The following FOXN3 variants were observed in gnomAD, a reference collection of about 807,000 sequenced individuals.
FOXN3 encodes the protein forkhead box N3, also known as forkhead box protein N3.
FOXN3 carries 7 observed loss-of-function variants against 38.4 expected under a neutral mutation model. That is an observed-to-expected ratio of 0.18 (90% CI 0.10 to 0.34). The LOEUF (loss-of-function observed/expected upper bound fraction) is 0.34. FOXN3 is among the 10% of genes least tolerant of loss of function. The pLI, the probability that FOXN3 is intolerant of heterozygous loss-of-function variation, is 1.00. For missense variants in FOXN3, 456 were observed against 613.4 expected, an observed-to-expected ratio of 0.74 and a Z score of 2.71; for synonymous variants, 230 against 242.2, an observed-to-expected ratio of 0.95 and a Z score of 0.47.
chr14:89,532,985 A>T (rs550298912), intron 1 of FOXN3, among the ~76,000 whole-genome samples: 1 of 152,374 alleles, frequency 6.6e-6, no homozygotes, highest in East Asian at 1.9e-4. Flanking sequence ...CCAGAATTCA[A>T]CAAAAATGGG....
intron 4 of FOXN3, chr14:89,222,979 G>A (rs549147142): frequency 6.6e-6 from 1 of 152,108 alleles, no homozygotes; most frequent in Non-Finnish European, 1.5e-5. Context: ...ATGTTGCCCA[G>A]GCTGGTCTTG....
chr14:89,204,637 G>A (rs138385678), intron 4 of FOXN3, among the ~76,000 whole-genome samples: 94 of 152,168 alleles, frequency 6.2e-4, no homozygotes, highest in African/African-American at 2.1e-3. Context: ...TATCTTACAC[G>A]GGCCCTTCAC....
chr14:89,242,270 C>T (rs1055582931), intron 4 of FOXN3, among the ~76,000 whole-genome samples: 5 of 151,722 alleles, frequency 3.3e-5, no homozygotes, highest in African/African-American at 1.2e-4. Context: ...GCCTTGGGGT[C>T]CTGAGAGACC....
At chr14:89,442,381 A>C (rs1240338012) in intron 1 of FOXN3, among the ~76,000 whole-genome samples, 1 of 152,146 alleles carries the variant, frequency 6.6e-6, no homozygotes, top group Non-Finnish European at 1.5e-5. Flanking sequence ...GTCTGAACTT[A>C]GTTAACAGGT....
At chr14:89,260,834 A>T (rs1296195298) in intron 4 of FOXN3, among the ~76,000 whole-genome samples, 1 of 152,252 alleles carries the variant, frequency 6.6e-6, no homozygotes, top group Non-Finnish European at 1.5e-5. Flanking sequence ...ATAAACGAGC[A>T]GCTATAACAT....
At chr14:89,370,170 T>C (rs1429619892) in intron 2 of FOXN3, among the ~76,000 whole-genome samples, 1 of 152,252 alleles carries the variant, frequency 6.6e-6, no homozygotes, top group African/African-American at 2.4e-5. Context: ...GCTGCTGGCA[T>C]GTGACCACAT....
At chr14:89,435,002 G>C (rs112070541) in intron 1 of FOXN3, among the ~76,000 whole-genome samples, 1 of 152,160 alleles carries the variant, frequency 6.6e-6, no homozygotes, top group Non-Finnish European at 1.5e-5. Context: ...TCAACAATTA[G>C]CCAAGCACAA....
chr14:89,501,823 G>A (rs955022459), intron 1 of FOXN3, among the ~76,000 whole-genome samples: 6 of 151,180 alleles, frequency 4.0e-5, no homozygotes, highest in South Asian at 2.1e-4. Flanking sequence ...ACTCCAGCCC[G>A]GGCAACAAGA....
chr14:89,184,101 A>G (rs748247782), intron 4 of FOXN3: 1 of 152,246 alleles, frequency 6.6e-6, no homozygotes, highest in Non-Finnish European at 1.5e-5. Flanking sequence ...CTGAAAACCC[A>G]TAAGGAACAG....
chr14:89,547,699 C>T (rs1356168467), intron 1 of FOXN3, among the ~76,000 whole-genome samples: 2 of 152,176 alleles, frequency 1.3e-5, no homozygotes, highest in South Asian at 4.1e-4. Context: ...ATCTCCCCAA[C>T]GGACTGTGAG....
chr14:89,451,311 A>G (rs1892608797), intron 1 of FOXN3, among the ~76,000 whole-genome samples: 3 of 152,200 alleles, frequency 2.0e-5, no homozygotes, highest in Admixed American at 1.3e-4. Flanking sequence ...CTGGTTACAA[A>G]GGTAAGGCAA....
At chr14:89,367,395 GA>G in intron 2 of FOXN3, among the ~76,000 whole-genome samples, 1 of 152,182 alleles carries the variant, frequency 6.6e-6, no homozygotes, top group Non-Finnish European at 1.5e-5. Flanking sequence ...AGATAAATCC[GA>G]AACCATCTCC....
chr14:89,411,190 A>G (rs557630565), intron 2 of FOXN3, among the ~76,000 whole-genome samples: 1 of 152,224 alleles, frequency 6.6e-6, no homozygotes, highest in Non-Finnish European at 1.5e-5. Context: ...ATGACTGATG[A>G]TCTGAAGTAG....
intron 1 of FOXN3, among the ~76,000 whole-genome samples, chr14:89,472,254 CAA>C (rs1173781818): frequency 2.9e-4 from 31 of 105,474 alleles, no homozygotes; most frequent in South Asian, 3.2e-4. Context: ...GAACCCATCT[CAA>C]AAAAAAAAAA....
chr14:89,369,634 C>G (rs1890257970), intron 2 of FOXN3, among the ~76,000 whole-genome samples: 2 of 151,928 alleles, frequency 1.3e-5, no homozygotes, highest in Admixed American at 1.3e-4. Flanking sequence ...AGGCAAAAGG[C>G]ATGTCTTACA....
intron 4 of FOXN3, among the ~76,000 whole-genome samples, chr14:89,202,645 C>T (rs1888263818): frequency 6.6e-6 from 1 of 152,118 alleles, no homozygotes; most frequent in South Asian, 2.1e-4. Flanking sequence ...TGAGTGAGTT[C>T]TTGCTCTATG....
chr14:89,431,808 G>A (rs924028285), intron 1 of FOXN3, among the ~76,000 whole-genome samples: 3 of 152,006 alleles, frequency 2.0e-5, no homozygotes, highest in African/African-American at 7.2e-5. Context: ...TCCACCTCCT[G>A]GGTTCAAGCA....
intron 1 of FOXN3, among the ~76,000 whole-genome samples, chr14:89,427,989 C>T (rs1024635446): frequency 6.6e-6 from 1 of 152,178 alleles, no homozygotes; most frequent in Non-Finnish European, 1.5e-5. Flanking sequence ...TTAGTGAGTA[C>T]ACCAAGTACC....
chr14:89,466,073 G>A (rs971104259), intron 1 of FOXN3, among the ~76,000 whole-genome samples: 9 of 152,220 alleles, frequency 5.9e-5, no homozygotes, highest in African/African-American at 2.2e-4. Context: ...CAGGTGGGTA[G>A]GGAGGAGTCA....
Sources: gnomAD v4.1 joint callset for allele counts (sites outside exome capture counted in the v4.1 genomes callset) on GRCh38, gnomAD v4.1.1 for gene constraint, MANE v1.5 for transcripts, NCBI Gene and HGNC (gene_info 2026-07-23, HGNC 2026-07-21) for gene names.